Variants in CALD1 observed in about 807,000 individuals in gnomAD.
The protein encoded by CALD1 is caldesmon 1.
A neutral mutation model predicts 99.9 loss-of-function variants in CALD1; 33 were observed. The observed-to-expected ratio is 0.33, with a 90% CI of 0.25 to 0.44. The LOEUF is 0.44. CALD1 is among the 20% of genes least tolerant of loss of function. The probability of loss-of-function intolerance (pLI) is 1.00; values close to 1 mark genes in which losing one functional copy is unlikely to be tolerated. For synonymous variants in CALD1, 310 were observed against 325.0 expected (o/e 0.95, Z 0.50); for missense variants, 861 against 962.1 (o/e 0.89, Z 1.39).
chr7:134,933,647 C>T lies in CALD1; in HGVS notation c.878C>T (p.Ala293Val), dbSNP rs773202828. The T allele has an allele frequency of 1.9e-6, 3 of 1,606,204 alleles. No individual in the cohort carries two copies. Among genetic ancestry groups the T allele is most frequent in the Non-Finnish European group, 2.6e-6 (3 of 1,176,132 alleles). The change falls in exon 5 of 15, where the codon GCA becomes GTA. Residue 293 changes from alanine to valine, a missense_variant. Around this residue, in one of 5 missense-constraint regions of CALD1, gnomAD observed 234 missense variants for 233.1 expected, o/e 1.00. Coordinates refer to ENST00000361675, the MANE Select transcript of CALD1 (RefSeq NM_033138.4). ...GACAAAAAGATAGCAGATGAACGAG[C>T]AAGAATTGAAGCAGAAGAAAAAGCA... is the stretch of plus-strand genomic sequence containing the variant. ...EQDKKIADERARIEAEEKAAA... is the reference protein window; with the variant it reads ...EQDKKIADERVRIEAEEKAAA...
intron 1 of CALD1, among the ~76,000 whole-genome samples, chr7:134,804,308 C>T (rs190079342): frequency 4.6e-5 from 7 of 152,336 alleles, no homozygotes; most frequent in African/African-American, 7.2e-5. Flanking sequence ...ATAATGACTT[C>T]GTTTCTTTTA....
chr7:134,773,035 T>G (rs80055444), intron 1 of CALD1, among the ~76,000 whole-genome samples: 17,131 of 152,308 alleles, frequency 0.11, 1,217 homozygotes, highest in Non-Finnish European at 0.15. Context: ...CTTGATAATT[T>G]CAGAATGAAA....
chr7:134,789,572 T>C (rs1203519815), intron 1 of CALD1, among the ~76,000 whole-genome samples: 2 of 152,248 alleles, frequency 1.3e-5, no homozygotes, highest in Admixed American at 6.5e-5. Context: ...GAAACTGCTT[T>C]GCACGTACAT....
chr7:134,713,933 A>G, the CALD1 span, among the ~76,000 whole-genome samples: 998 of 152,198 alleles, frequency 6.6e-3, 7 homozygotes, highest in African/African-American at 0.023. Context: ...GTAATCCCCA[A>G]TGTTGGAGGT....
intron 3 of CALD1, among the ~76,000 whole-genome samples, chr7:134,890,749 C>G (rs1485543778): frequency 6.6e-6 from 1 of 152,210 alleles, no homozygotes; most frequent in East Asian, 1.9e-4. Flanking sequence ...GATGAGATCA[C>G]TGGCAGAGTA....
At chr7:134,711,554 C>G in the CALD1 span, among the ~76,000 whole-genome samples, 3 of 152,076 alleles carry the variant, frequency 2.0e-5, no homozygotes, top group African/African-American at 7.2e-5. Context: ...TCCAGCCTGT[C>G]TGCCTGCTGC....
chr7:134,773,899 G>A (rs1796897048), intron 1 of CALD1, among the ~76,000 whole-genome samples: 1 of 151,860 alleles, frequency 6.6e-6, no homozygotes, highest in South Asian at 2.1e-4. Flanking sequence ...GGCCGGGTGA[G>A]GTGGCTCACG....
chr7:134,766,169 T>TTTTGTG (rs1796825235), intron 1 of CALD1, among the ~76,000 whole-genome samples: 1 of 131,166 alleles, frequency 7.6e-6, no homozygotes, highest in Non-Finnish European at 1.5e-5. Flanking sequence ...TTTTTTTTTT[T>TTTTGTG]GAGAGGGAGT....
intron 1 of CALD1, among the ~76,000 whole-genome samples, chr7:134,790,919 A>G (rs1797503532): frequency 6.6e-6 from 1 of 152,216 alleles, no homozygotes; most frequent in African/African-American, 2.4e-5. Context: ...AGGTATTCAA[A>G]AGGCCAACAT....
chr7:134,804,164 T>C (rs1798050002), intron 1 of CALD1, among the ~76,000 whole-genome samples: 1 of 152,240 alleles, frequency 6.6e-6, no homozygotes, highest in African/African-American at 2.4e-5. Context: ...ATCTCCCCGT[T>C]CAATACGGCA....
chr7:134,966,095 A>G (rs1387777168), intron 14 of CALD1, among the ~76,000 whole-genome samples: 1 of 152,164 alleles, frequency 6.6e-6, no homozygotes, highest in Non-Finnish European at 1.5e-5. Flanking sequence ...CTCCTTCAAT[A>G]AAAAGAAAAT....
chr7:134,830,023 TG>T (rs1439662334), intron 1 of CALD1, among the ~76,000 whole-genome samples: 1 of 151,516 alleles, frequency 6.6e-6, no homozygotes, highest in Non-Finnish European at 1.5e-5. Context: ...TTTGCTAAGA[TG>T]GGAAAAACTT....
At chr7:134,958,872 AATATATATATATATATAT>A (rs58837080) in intron 11 of CALD1, among the ~76,000 whole-genome samples, 42 of 124,866 alleles carry the variant, frequency 3.4e-4, no homozygotes, top group East Asian at 1.5e-3. Flanking sequence ...CTGGTATTTA[AATATATATATATATATAT>A]ATATATATAT....
chr7:134,935,150 G>T (rs1460239500), intron 5 of CALD1, among the ~76,000 whole-genome samples: 3 of 152,138 alleles, frequency 2.0e-5, no homozygotes, highest in Non-Finnish European at 4.4e-5. Flanking sequence ...CTGAGGAAGG[G>T]TGGAAATAGT....
intron 3 of CALD1, among the ~76,000 whole-genome samples, chr7:134,926,110 T>C (rs982668049): frequency 2.0e-5 from 3 of 152,162 alleles, no homozygotes; most frequent in African/African-American, 7.2e-5. Flanking sequence ...TCACCTCAAA[T>C]TCAACAAGTC....
At chr7:134,818,296 G>A (rs1275137116) in intron 1 of CALD1, among the ~76,000 whole-genome samples, 1 of 152,196 alleles carries the variant, frequency 6.6e-6, no homozygotes, top group African/African-American at 2.4e-5. Context: ...ATAATATGTA[G>A]AATAGATTTA....
intron 2 of CALD1, among the ~76,000 whole-genome samples, chr7:134,864,390 A>G (rs1163030531): frequency 2.9e-5 from 4 of 137,702 alleles, no homozygotes; most frequent in Non-Finnish European, 6.1e-5. Context: ...GTGATTTGAA[A>G]TCTTTTTTCT....
intron 6 of CALD1, 66 bp from the exon 7 acceptor site, chr7:134,941,026 G>A (rs1806383757): frequency 7.1e-7 from 1 of 1,411,078 alleles, no homozygotes; most frequent in Non-Finnish European, 9.5e-7. Flanking sequence ...CTTACTTGAT[G>A]ATACCAACCA....
At chr7:134,874,348 T>C (rs1801247684) in intron 3 of CALD1, among the ~76,000 whole-genome samples, 1 of 151,968 alleles carries the variant, frequency 6.6e-6, no homozygotes, top group African/African-American at 2.4e-5. Context: ...ACCCAGCTAG[T>C]TTTTGTATTA....
Sources: allele counts gnomAD v4.1 joint callset (sites outside exome capture counted in the v4.1 genomes callset), GRCh38; gene constraint gnomAD v4.1.1; regional missense constraint gnomAD v4.1.1; transcripts MANE v1.5; gene names NCBI Gene and HGNC (gene_info 2026-07-23, HGNC 2026-07-21).